Variants in FZD6 observed in about 807,000 individuals in gnomAD.
FZD6 encodes the protein frizzled class receptor 6, also known as frizzled-6.
Under a neutral mutation model 61.4 loss-of-function variants are expected in FZD6, and 49 were observed. The observed-to-expected ratio is 0.80, with a 90% confidence interval of 0.63 to 1.01. The LOEUF (loss-of-function observed/expected upper bound fraction) is 1.01. FZD6 is among the 50% of genes least tolerant of loss of function. The pLI is 0.00. For missense variants in FZD6, 724 were observed against 848.2 expected (o/e 0.85, Z 1.82); for synonymous variants, 265 against 292.2 (o/e 0.91, Z 0.95).
rs184333505 is a variant in FZD6, at chr8:103,303,223, C to T, written c.177+2939C>T. On this transcript the variant is annotated intron_variant, in intron 2 of 6. Coordinates refer to ENST00000358755, the MANE Select transcript of FZD6 (RefSeq NM_003506.4). Reference sequence around the variant, plus strand: ...TGCACACTCTGCTTCAGCCAACTGACCTATTTGGAGAATTCAAATCCATAT... The same window carrying T: ...TGCACACTCTGCTTCAGCCAACTGATCTATTTGGAGAATTCAAATCCATAT... 2.6e-3 allele frequency among the ~76,000 whole-genome samples: 390 copies of T among 152,288 alleles called. 2 individuals are homozygous for T. The highest frequency in any genetic ancestry group is 4.8e-3 in the Non-Finnish European group (329 of 68,022).
chr8:103,301,607 T>C (rs939520758), intron 2 of FZD6, among the ~76,000 whole-genome samples: 28 of 152,188 alleles, frequency 1.8e-4, no homozygotes, highest in Admixed American at 1.8e-3. Flanking sequence ...GGTCTTACTA[T>C]GTTGCCCAGG....
intron 2 of FZD6, among the ~76,000 whole-genome samples, chr8:103,302,628 G>A (rs1402262290): frequency 6.6e-6 from 1 of 151,894 alleles, no homozygotes; most frequent in Non-Finnish European, 1.5e-5. Flanking sequence ...TGTCCTGATT[G>A]GATAAACAAG....
intron 2 of FZD6, among the ~76,000 whole-genome samples, chr8:103,315,983 C>T (rs866846550): frequency 2.0e-5 from 3 of 152,046 alleles, no homozygotes; most frequent in East Asian, 3.9e-4. Flanking sequence ...CACTTTAGGC[C>T]GTTTCTGTTT....
intron 2 of FZD6, among the ~76,000 whole-genome samples, chr8:103,311,944 GTTAGAA>G (rs1814507654): frequency 6.6e-6 from 1 of 152,066 alleles, no homozygotes; most frequent in South Asian, 2.1e-4. Context: ...AAACTAAATA[GTTAGAA>G]TTAAAGTATT....
intron 2 of FZD6, among the ~76,000 whole-genome samples, chr8:103,304,308 T>C (rs896073999): frequency 6.6e-5 from 10 of 152,258 alleles, no homozygotes; most frequent in Non-Finnish European, 1.0e-4. Context: ...ATTTTTAATC[T>C]GTGATTATAT....
intron 2 of FZD6, among the ~76,000 whole-genome samples, chr8:103,305,767 C>T (rs1016673278): frequency 1.3e-5 from 2 of 152,174 alleles, no homozygotes; most frequent in Admixed American, 6.5e-5. Flanking sequence ...AGGGAAAGTC[C>T]CTTGACTCCT....
At chr8:103,323,689 C>T in intron 3 of FZD6, among the ~76,000 whole-genome samples, 1 of 152,152 alleles carries the variant, frequency 6.6e-6, no homozygotes, top group Non-Finnish European at 1.5e-5. Flanking sequence ...CCTCAGCCTC[C>T]CAAAGTGCTG....
chr8:103,302,182 C>T (rs1475802964), intron 2 of FZD6, among the ~76,000 whole-genome samples: 1 of 152,110 alleles, frequency 6.6e-6, no homozygotes, highest in African/African-American at 2.4e-5. Context: ...GTCACCCTGG[C>T]TCAGACTTTT....
chr8:103,320,067 G>T (rs145621787), intron 3 of FZD6, among the ~76,000 whole-genome samples: 83 of 151,136 alleles, frequency 5.5e-4, no homozygotes, highest in African/African-American at 1.9e-3. Context: ...AGGAACATCT[G>T]TTGTAACAGT....
rs1191714488 is a variant in FZD6 at position 103,331,575 on chromosome 8, T to A, written c.*66T>A. 1 of 1,061,192 alleles carries A rather than the reference T, an allele frequency of 9.4e-7. No homozygotes were observed. The highest frequency in any genetic ancestry group is 1.5e-6 in the Non-Finnish European group (1 of 686,382). 65.7% of individuals were successfully genotyped at this position (1,061,192 alleles called of 1,614,324 possible). ...CACTGGAAGTGACCTATGCACTGTT[T>A]TGTAAGAATCACTGTTACATTCTTC... On this transcript the variant is annotated 3_prime_UTR_variant, in exon 7 of 7. Coordinates refer to ENST00000358755, the MANE Select transcript of FZD6 (RefSeq NM_003506.4).
At chr8:103,308,136 T>C (rs1015051147) in intron 2 of FZD6, among the ~76,000 whole-genome samples, 4 of 152,224 alleles carry the variant, frequency 2.6e-5, no homozygotes, top group African/African-American at 9.6e-5. Context: ...ATGGCCGTTT[T>C]GTTCCTGAGC....
In FZD6 at chr8:103,328,269, CA is replaced by C. The variant is rs750706481; in HGVS notation, c.1398del (p.Ala467GlnfsTer11). 1 of 1,608,326 alleles carries C rather than the reference CA, an allele frequency of 6.2e-7. No individual in the cohort carries two copies. On this transcript the variant is annotated frameshift_variant and splice_region_variant, in exon 5 of 7. Coordinates refer to ENST00000358755, the MANE Select transcript of FZD6 (RefSeq NM_003506.4). LOFTEE classifies it high-confidence loss of function. The part of the protein sequence containing the change: ...RQYHIPCPYQ[A>X]KAKARPELAL... ...ATTATTATTCACTATTTTTTGTAGG[CA>C]AAAGCAAAAGCTCGACCAGAATTGG... is the stretch of plus-strand genomic sequence containing the variant.
At chr8:103,325,620 A>T (rs12707777) in intron 4 of FZD6, 122 bp downstream of exon 4, 76,157 of 816,094 alleles carry the variant, frequency 0.093, 4,250 homozygotes, top group Non-Finnish European at 0.11. Context: ...AGCCATAGGT[A>T]AGGATTTCCT....
Position 103,324,834 on chromosome 8 carries a change from T to C in FZD6, c.728T>C (p.Ile243Thr), listed in dbSNP as rs1255516559. 1 of 1,613,598 alleles carries C rather than the reference T, an allele frequency of 6.2e-7. No homozygotes were observed. Among genetic ancestry groups the C allele is most frequent in the South Asian group, 1.1e-5 (1 of 91,076 alleles). The change falls in exon 4 of 7, where the codon ATT becomes ACT. Residue 243 changes from isoleucine to threonine, a missense_variant. Ile to Thr is a moderately conservative substitution (Grantham distance 89). Coordinates refer to ENST00000358755, the MANE Select transcript of FZD6 (RefSeq NM_003506.4). ...ATATATTACTCTGTCTGTTACAGCA[T>C]TGTATCTCTTATGTACTTCATTGGA... ...PIIYYSVCYS[I>T]VSLMYFIGFL...
intron 2 of FZD6, among the ~76,000 whole-genome samples, chr8:103,311,710 C>G (rs905680967): frequency 6.9e-6 from 1 of 145,250 alleles, no homozygotes; most frequent in Non-Finnish European, 1.5e-5. Flanking sequence ...AAAGTGTTAA[C>G]TTACCAAGGA....
chr8:103,330,105 TACTGCATTACACATTTTTTATTAAA>T (rs1293632537), intron 6 of FZD6, 40 bp downstream of exon 6: 1 of 1,490,098 alleles, frequency 6.7e-7, no homozygotes, highest in South Asian at 1.1e-5. Context: ...CTATTTTAAA[TACTGCATTACACATTTTTTATTAAA>T]GCATAACACA....
chr8:103,322,372 T>TAA (rs11423905), intron 3 of FZD6, among the ~76,000 whole-genome samples: 2,222 of 124,546 alleles, frequency 0.018, 34 homozygotes, highest in Middle Eastern at 0.061. Flanking sequence ...CAGTCTCCAT[T>TAA]AAAAAAAAAA....
rs1814855534 is a variant in FZD6, at chr8:103,323,582, C to T, written c.375-899C>T. ...AGTAGCTGGGATTACAGGCACCTGT[C>T]ACCACGCCCAGCTAATTTTTGTATT... On this transcript the variant is annotated intron_variant, in intron 3 of 6. Transcript: ENST00000358755. Among the ~76,000 whole-genome samples, 5 of 152,074 alleles carry T rather than the reference C, an allele frequency of 3.3e-5. No individual in the cohort carries two copies. In the South Asian group the frequency reaches 1.0e-3, roughly 32 times the overall value.
rs1359786078 is a variant in FZD6, at chr8:103,318,803, A to G, written c.374+17A>G. On this transcript the variant is annotated intron_variant, in intron 3 of 6. Transcript: ENST00000358755. ...ATGTGACAGGTAAACAATGTTTTTC[A>G]TGGAAAGCTACTAATGGTATTTTAC... 2.1e-6 allele frequency: 3 copies of G among 1,449,136 alleles called. No homozygotes were observed. Among genetic ancestry groups the G allele is most frequent in the East Asian group, 2.3e-5 (1 of 44,126 alleles). The allele number at this position is 1,449,136 out of a possible 1,614,324, so 89.8% of individuals were successfully genotyped here.
Sources: gnomAD v4.1 joint callset for allele counts (sites outside exome capture counted in the v4.1 genomes callset) on GRCh38, gnomAD v4.1.1 for gene constraint, MANE v1.5 for transcripts, NCBI Gene and HGNC (gene_info 2026-07-23, HGNC 2026-07-21) for gene names.